Variants in ZMIZ1 observed in about 807,000 individuals in gnomAD.
ZMIZ1 encodes zinc finger MIZ domain-containing protein 1.
In ZMIZ1, 17 loss-of-function variants were observed where a neutral mutation model predicts 113.9. That is an observed-to-expected ratio of 0.15 (90% CI 0.10 to 0.22). The LOEUF is 0.22. Ranked by LOEUF, ZMIZ1 falls within the 10% of genes least tolerant of loss-of-function variation. The probability of loss-of-function intolerance (pLI) is 1.00; values close to 1 mark genes in which losing one functional copy is unlikely to be tolerated. For missense variants in ZMIZ1, 1,059 were observed against 1,477.8 expected (o/e 0.72, Z 4.65); for synonymous variants, 607 against 603.1 (o/e 1.01, Z -0.09).
chr10:79,077,082 AC>A (rs1842498826), intron 1 of ZMIZ1, among the ~76,000 whole-genome samples: 1 of 152,104 alleles, frequency 6.6e-6, no homozygotes, highest in Admixed American at 6.5e-5. Flanking sequence ...CCTAGGAGTC[AC>A]CTGCTGAGAG....
chr10:79,135,064 C>T (rs1389822942), intron 2 of ZMIZ1, among the ~76,000 whole-genome samples: 1 of 152,164 alleles, frequency 6.6e-6, no homozygotes, highest in Non-Finnish European at 1.5e-5. Flanking sequence ...GTGATCTGCC[C>T]GCCTCCGCCT....
chr10:79,256,868 T>G (rs1180373383), intron 7 of ZMIZ1, among the ~76,000 whole-genome samples: 2 of 152,172 alleles, frequency 1.3e-5, no homozygotes, highest in Non-Finnish European at 1.5e-5. Context: ...ATGCTTGTGA[T>G]TTTGCTCTAG....
In ZMIZ1 at chr10:79,300,762, C is replaced by T; in HGVS notation, c.1839C>T (p.Tyr613=). Residue 613 remains tyrosine, a synonymous_variant, in exon 17 of 25, where the codon TAC becomes TAT. Coordinates refer to ENST00000334512, the MANE Select transcript of ZMIZ1 (RefSeq NM_020338.4). The part of the protein sequence containing the change: ...RSDLELQFKC[Y]HHEDRQMNTN... ...ACCTGGAGCTGCAGTTCAAGTGCTA[C>T]CACCACGAGGACCGGCAGATGAACA... 2 of 1,613,990 alleles carry T rather than the reference C, an allele frequency of 1.2e-6. No individual in the cohort carries two copies. Among genetic ancestry groups the T allele is most frequent in the Non-Finnish European group, 1.7e-6 (2 of 1,180,018 alleles).
intron 24 of ZMIZ1, among the ~76,000 whole-genome samples, chr10:79,311,746 G>T (rs1217295709): frequency 6.6e-6 from 1 of 152,160 alleles, no homozygotes; most frequent in African/African-American, 2.4e-5. Context: ...ATGGGCAGCA[G>T]AGGTGCCAGG....
intron 1 of ZMIZ1, among the ~76,000 whole-genome samples, chr10:79,097,777 A>G (rs1843220880): frequency 2.0e-5 from 3 of 152,074 alleles, no homozygotes; most frequent in South Asian, 4.2e-4. Context: ...TTTTGTGCTC[A>G]CAGCATATGT....
chr10:79,289,845 G>C lies in ZMIZ1; in HGVS notation c.496G>C (p.Val166Leu). Residue 166 changes from valine (V) to leucine (L), a missense_variant, in exon 9 of 25, where the codon GTG becomes CTG. Coordinates refer to ENST00000334512, the MANE Select transcript of ZMIZ1 (RefSeq NM_020338.4). Reference sequence around the variant, plus strand: ...CAACCAGCCTCCCGGCTCCCTTTCCGTGGTCACCACGGTTTGGGGAGTAAC... The same window carrying C: ...CAACCAGCCTCCCGGCTCCCTTTCCCTGGTCACCACGGTTTGGGGAGTAAC... The part of the protein sequence containing the change: ...NTNQPPGSLS[V>L]VTTVWGVTNT... The C allele has an allele frequency of 6.2e-7, 1 of 1,614,070 alleles. No homozygotes were observed. Among genetic ancestry groups the C allele is most frequent in the Non-Finnish European group, 8.5e-7 (1 of 1,179,934 alleles).
chr10:79,201,509 G>C (rs544154330), intron 4 of ZMIZ1, 75 bp from the exon 5 acceptor site: 25 of 1,094,562 alleles, frequency 2.3e-5, no homozygotes, highest in Non-Finnish European at 3.1e-5. Flanking sequence ...GTTGTGGCCA[G>C]AGGGCAGTTG....
chr10:79,271,853 CCTT>C (rs1851968440), intron 7 of ZMIZ1, among the ~76,000 whole-genome samples: 1 of 152,190 alleles, frequency 6.6e-6, no homozygotes, highest in African/African-American at 2.4e-5. Context: ...TAAGAGACCA[CCTT>C]CTGTCTGGAA....
intron 4 of ZMIZ1, among the ~76,000 whole-genome samples, chr10:79,169,067 C>T (rs1846493225): frequency 6.6e-6 from 1 of 152,200 alleles, no homozygotes; most frequent in Admixed American, 6.5e-5. Context: ...TCTTTAGGGA[C>T]CTCTGTTGGA....
intron 23 of ZMIZ1, among the ~76,000 whole-genome samples, chr10:79,308,074 A>G (rs906168062): frequency 3.3e-5 from 5 of 152,220 alleles, no homozygotes; most frequent in Non-Finnish European, 5.9e-5. Flanking sequence ...ACACTTATCG[A>G]CATATGCCCT....
chr10:79,149,347 A>G (rs540169245), intron 3 of ZMIZ1, among the ~76,000 whole-genome samples: 1 of 152,292 alleles, frequency 6.6e-6, no homozygotes, highest in South Asian at 2.1e-4. Context: ...CTGGGAGAGC[A>G]TGAATGGGCA....
intron 7 of ZMIZ1, among the ~76,000 whole-genome samples, chr10:79,225,190 C>T (rs1849153336): frequency 6.6e-6 from 1 of 152,190 alleles, no homozygotes; most frequent in Non-Finnish European, 1.5e-5. Context: ...AGATGCTTTC[C>T]AGACTCAGTC....
intron 7 of ZMIZ1, among the ~76,000 whole-genome samples, chr10:79,241,187 C>T (rs1349109827): frequency 7.2e-5 from 11 of 152,186 alleles, no homozygotes; most frequent in Admixed American, 7.2e-4. Context: ...GTACATCCAT[C>T]TCAGTGTTCT....
Position 79,314,495 on chromosome 10 carries a change from G to T in ZMIZ1, c.*1746G>T. 3.0e-6 allele frequency: 1 copy of T among 331,876 alleles called. No individual in the cohort carries two copies. Among genetic ancestry groups the T allele is most frequent in the Non-Finnish European group, 5.9e-6 (1 of 168,450 alleles). 20.6% of individuals were successfully genotyped at this position (331,876 alleles called of 1,614,324 possible). A position where few individuals can be genotyped will look rare whatever the true frequency, so the allele number is the denominator to read the frequency against. On this transcript the variant is annotated 3_prime_UTR_variant, in exon 25 of 25. Coordinates refer to ENST00000334512, the MANE Select transcript of ZMIZ1 (RefSeq NM_020338.4). ...GCCCCTTTTCTTCCTTTGTCCCGTT[G>T]TCGAGGTTTTTTCAAATAGCGTGTT...
At chr10:79,238,598 T>C (rs1319242041) in intron 7 of ZMIZ1, among the ~76,000 whole-genome samples, 1 of 152,186 alleles carries the variant, frequency 6.6e-6, no homozygotes, top group Non-Finnish European at 1.5e-5. Context: ...AAAACGGAGT[T>C]GGGGGCATGA....
Position 79,139,318 on chromosome 10 carries a change from C to T in ZMIZ1, c.-226-364C>T, listed in dbSNP as rs190119937. Among the ~76,000 whole-genome samples the T allele has an allele frequency of 6.8e-4, 103 of 152,260 alleles. 1 individual carries two copies. The highest frequency in any genetic ancestry group is 6.4e-3 in the East Asian group (33 of 5,186). ...GGCCACGGCAAGGGCTTTGTACACC[C>T]GGCTAAAAATACCCCCGACAGCTTC... On this transcript the variant is annotated intron_variant, in intron 2 of 24. Coordinates refer to ENST00000334512, the MANE Select transcript of ZMIZ1 (RefSeq NM_020338.4).
At chr10:79,198,812 T>C (rs1847946985) in intron 4 of ZMIZ1, among the ~76,000 whole-genome samples, 1 of 152,210 alleles carries the variant, frequency 6.6e-6, no homozygotes, top group Non-Finnish European at 1.5e-5. Context: ...GGTGGGCAGA[T>C]TGCCTGAGGT....
intron 3 of ZMIZ1, among the ~76,000 whole-genome samples, chr10:79,150,505 C>T (rs905494565): frequency 1.3e-5 from 2 of 152,216 alleles, no homozygotes; most frequent in East Asian, 3.9e-4. Flanking sequence ...GGAGAAACCT[C>T]ACAGTGGGAC....
chr10:79,084,859 A>C (rs1472489223), intron 1 of ZMIZ1, among the ~76,000 whole-genome samples: 1 of 6,920 alleles, frequency 1.4e-4, no homozygotes, highest in Non-Finnish European at 2.6e-4. Context: ...CCTGCTTTCC[A>C]GGGTGGTGGG....
Sources: allele counts gnomAD v4.1 joint callset (sites outside exome capture counted in the v4.1 genomes callset), GRCh38; gene constraint gnomAD v4.1.1; transcripts MANE v1.5; gene names NCBI Gene and HGNC (gene_info 2026-07-23, HGNC 2026-07-21).